The following IGSF21 variants were observed in gnomAD, a reference collection of about 807,000 sequenced individuals.
IGSF21 encodes the protein immunoglobin superfamily member 21.
Under a neutral mutation model 46.8 loss-of-function variants are expected in IGSF21, and 28 were observed. The ratio of observed to expected loss-of-function variants is 0.60; its 90% CI spans 0.44 to 0.82. The LOEUF (loss-of-function observed/expected upper bound fraction) is 0.82, where lower values mean the gene tolerates loss of function less well. Ranked by LOEUF, IGSF21 falls within the 40% of genes least tolerant of loss-of-function variation. The pLI, the probability that IGSF21 is intolerant of heterozygous loss-of-function variation, is 0.00. For missense variants in IGSF21, 624 were observed against 665.5 expected (o/e 0.94, Z 0.69); for synonymous variants, 284 against 273.6 (o/e 1.04, Z -0.38).
chr1:18,289,909 G>T (rs1425590630), intron 2 of IGSF21, among the ~76,000 whole-genome samples: 1 of 152,214 alleles, frequency 6.6e-6, no homozygotes, highest in Non-Finnish European at 1.5e-5. Flanking sequence ...AGGCGGGGAT[G>T]GGAAGAGGGT....
rs538613473 is a variant in IGSF21 at position 18,291,826 on chromosome 1, T to G, written c.184-40T>G. On this transcript the variant is annotated intron_variant, in intron 2 of 9. Coordinates refer to ENST00000251296, the MANE Select transcript of IGSF21 (RefSeq NM_032880.5). ...TGGGGAAAGGGGTGACCAGGGCCGG[T>G]TGAGCACTCACGTGTGGCTATCTCT... The G allele has an allele frequency of 1.1e-5, 17 of 1,608,440 alleles. No individual in the cohort carries two copies. The African/African-American group carries it at 1.7e-4, about 16-fold the overall frequency.
At chr1:18,296,995 C>G (rs2085317960) in intron 3 of IGSF21, among the ~76,000 whole-genome samples, 1 of 152,348 alleles carries the variant, frequency 6.6e-6, no homozygotes, top group East Asian at 1.9e-4. Flanking sequence ...GGCCAATGCT[C>G]TTTGCCAACA....
intron 2 of IGSF21, among the ~76,000 whole-genome samples, chr1:18,275,829 G>C (rs954930786): frequency 6.6e-6 from 1 of 152,012 alleles, no homozygotes; most frequent in Admixed American, 6.5e-5. Flanking sequence ...CTCCACCCAA[G>C]CTTTTGGGTG....
intron 1 of IGSF21, among the ~76,000 whole-genome samples, chr1:18,108,647 G>A (rs918201613): frequency 2.2e-4 from 34 of 151,938 alleles, no homozygotes; most frequent in African/African-American, 7.7e-4. Flanking sequence ...GTGTGAACAT[G>A]TGCCACCTTC....
At chr1:18,133,827 G>C (rs1016761727) in intron 1 of IGSF21, among the ~76,000 whole-genome samples, 1 of 152,252 alleles carries the variant, frequency 6.6e-6, no homozygotes, top group Non-Finnish European at 1.5e-5. Context: ...CTGCAGGCAC[G>C]TTGTAGGGGC....
Position 18,288,792 on chromosome 1 carries a change from G to A in IGSF21, c.184-3074G>A, listed in dbSNP as rs141385894. On this transcript the variant is annotated intron_variant, in intron 2 of 9. Coordinates refer to ENST00000251296, the MANE Select transcript of IGSF21 (RefSeq NM_032880.5). ...TGTACCACAGACAGCTGGGACAGTG[G>A]GGCCTGCCCTCCAGATCCCTCACCC... Among the ~76,000 whole-genome samples the A allele has an allele frequency of 2.8e-3, 422 of 152,298 alleles. 3 individuals carry two copies. Among genetic ancestry groups the A allele is most frequent in the African/African-American group, 9.6e-3 (397 of 41,562 alleles).
chr1:18,190,975 C>T (rs1193153539), intron 1 of IGSF21, among the ~76,000 whole-genome samples: 1 of 152,088 alleles, frequency 6.6e-6, no homozygotes, highest in South Asian at 2.1e-4. Flanking sequence ...GCTGACACAT[C>T]GCTGGAATGG....
chr1:18,238,044 G>C (rs1275664820), intron 2 of IGSF21, among the ~76,000 whole-genome samples: 1 of 152,084 alleles, frequency 6.6e-6, no homozygotes, highest in Non-Finnish European at 1.5e-5. Flanking sequence ...CTAATATGTT[G>C]TGTGTGTTTT....
intron 1 of IGSF21, among the ~76,000 whole-genome samples, chr1:18,202,755 G>T (rs12144464): frequency 0.19 from 29,275 of 152,104 alleles, 3,345 homozygotes; most frequent in East Asian, 0.42. Context: ...ATGAGACTTG[G>T]GTGGGGACAC....
Position 18,335,106 on chromosome 1 carries a change from A to G in IGSF21, c.424+96A>G. The G allele has an allele frequency of 2.2e-6, 2 of 925,694 alleles. No individual in the cohort carries two copies. The highest frequency in any genetic ancestry group is 3.5e-6 in the Non-Finnish European group (2 of 576,718). 57.3% of individuals were successfully genotyped at this position (925,694 alleles called of 1,614,324 possible). ...GCACAGAGTGGCCATCCTGGGGGCC[A>G]TCCACCAGAAGTTCTGTTGTGCTGG... On this transcript the variant is annotated intron_variant, in intron 4 of 9. Coordinates refer to ENST00000251296, the MANE Select transcript of IGSF21 (RefSeq NM_032880.5). The surrounding 1 kb of genome is among the most constrained non-coding windows in gnomAD (Gnocchi z 4.8).
At chr1:18,281,251 G>A (rs1349061640) in intron 2 of IGSF21, among the ~76,000 whole-genome samples, 2 of 152,180 alleles carry the variant, frequency 1.3e-5, no homozygotes, top group South Asian at 2.1e-4. Context: ...AATGCACACC[G>A]AGGGTGTGTA....
chr1:18,242,260 G>A (rs1479986823), intron 2 of IGSF21, among the ~76,000 whole-genome samples: 4 of 152,164 alleles, frequency 2.6e-5, no homozygotes, highest in Non-Finnish European at 5.9e-5. Context: ...GTGTAAGGAA[G>A]GGCCCCTTCT....
intron 1 of IGSF21, among the ~76,000 whole-genome samples, chr1:18,174,175 C>T (rs1472878222): frequency 6.6e-6 from 1 of 152,208 alleles, no homozygotes; most frequent in Non-Finnish European, 1.5e-5. Flanking sequence ...GCTGGGCCTG[C>T]TGAGCCTGTA....
chr1:18,323,646 G>A lies in IGSF21; in HGVS notation c.306-11246G>A, dbSNP rs1280605129. Among the ~76,000 whole-genome samples the A allele has an allele frequency of 2.6e-5, 4 of 152,104 alleles. No homozygotes were observed. The East Asian group carries it at 5.8e-4, about 22-fold the overall frequency. On this transcript the variant is annotated intron_variant, in intron 3 of 9. Coordinates refer to ENST00000251296, the MANE Select transcript of IGSF21 (RefSeq NM_032880.5). ...GGCTCCCTGAAGCGGGTGAGGGGAG[G>A]GCTTAGGGAGGGAGCTGGGGGCAGG...
chr1:18,352,396 G>A lies in IGSF21; in HGVS notation c.425-9719G>A, dbSNP rs530592578. 3.3e-5 allele frequency among the ~76,000 whole-genome samples: 5 copies of A among 152,284 alleles called. No homozygotes were observed. In the East Asian group the frequency reaches 9.6e-4, roughly 29 times the overall value. ...AGGACTTGTTAAAACTCAGGGTGGG[G>A]ACTGCCGGACCCCACCCCATCCCAG... On this transcript the variant is annotated intron_variant, in intron 4 of 9. Coordinates refer to ENST00000251296, the MANE Select transcript of IGSF21 (RefSeq NM_032880.5).
chr1:18,370,559 AAAATAAAAACT>A (rs1384503109), intron 6 of IGSF21, among the ~76,000 whole-genome samples: 6 of 152,030 alleles, frequency 3.9e-5, no homozygotes, highest in Admixed American at 3.3e-4. Flanking sequence ...AAGTGGTCAC[AAAATAAAAACT>A]AAATAAAAAC....
chr1:18,306,175 C>T (rs1021256631), intron 3 of IGSF21, among the ~76,000 whole-genome samples: 6 of 152,160 alleles, frequency 3.9e-5, no homozygotes, highest in African/African-American at 1.4e-4. Flanking sequence ...TATGCTCGGC[C>T]CCATCCACCT....
rs931145411 is a variant in IGSF21, at chr1:18,205,512, C to T, written c.71-22386C>T. Among the ~76,000 whole-genome samples the T allele has an allele frequency of 1.2e-4, 19 of 152,250 alleles. No homozygotes were observed. The South Asian group carries it at 1.7e-3, about 13-fold the overall frequency. On this transcript the variant is annotated intron_variant, in intron 1 of 9. Transcript: ENST00000251296. Reference sequence around the variant, plus strand: ...GACAAGGAGAAGGATGGAAAAGGGACTGTGATCGAGTGAGGCCCACGGAGC... The same window carrying T: ...GACAAGGAGAAGGATGGAAAAGGGATTGTGATCGAGTGAGGCCCACGGAGC...
intron 1 of IGSF21, among the ~76,000 whole-genome samples, chr1:18,139,452 T>C (rs2086395558): frequency 6.6e-6 from 1 of 152,192 alleles, no homozygotes; most frequent in Admixed American, 6.5e-5. Context: ...ACCCACCCTC[T>C]TCCCAGTGTC....
Sources: gnomAD v4.1 joint callset for allele counts (sites outside exome capture counted in the v4.1 genomes callset) on GRCh38, gnomAD v4.1.1 for gene constraint, Gnocchi (gnomAD v3.1) non-coding constraint, MANE v1.5 for transcripts, NCBI Gene and HGNC (gene_info 2026-07-23, HGNC 2026-07-21) for gene names.